RDH12: variants seen among roughly 807,000 people sequenced by gnomAD.
RDH12 encodes the protein all-trans and 9-cis retinol dehydrogenase.
RDH12 carries 21 observed loss-of-function variants against 34.0 expected under a neutral mutation model. The ratio of observed to expected loss-of-function variants is 0.62; its 90% confidence interval spans 0.44 to 0.89. The LOEUF is 0.89. RDH12 is among the 40% of genes least tolerant of loss of function. RDH12 has a pLI of 0.00. For synonymous variants in RDH12, 198 were observed against 169.9 expected (o/e 1.17, Z -1.29); for missense variants, 394 against 398.6 (o/e 0.99, Z 0.10).
intron 3 of RDH12, among the ~76,000 whole-genome samples, chr14:67,723,451 T>A (rs1401557146): frequency 6.6e-6 from 1 of 152,122 alleles, no homozygotes; most frequent in Non-Finnish European, 1.5e-5. Flanking sequence ...CCCAGGCTGG[T>A]CTCAAACTCC....
At position 67,734,347 on chromosome 14, in the gene RDH12, C is replaced by T. The variant is rs961031268; in HGVS notation, c.*499C>T. The T allele has an allele frequency of 4.3e-5, 7 of 161,806 alleles. No homozygotes were observed. In the East Asian group the frequency reaches 8.6e-4, roughly 20 times the overall value. The allele number at this position is 161,806 out of a possible 1,614,324, so 10.0% of individuals were successfully genotyped here. ...AACCCTGGCCTATTTAGATTCCTTC[C>T]TCTCACCTGGACCTTCCCATTTCAA... On this transcript the variant is annotated 3_prime_UTR_variant, in exon 9 of 9. Coordinates refer to ENST00000551171, the MANE Select transcript of RDH12 (RefSeq NM_152443.3).
In RDH12 at chr14:67,729,309, G is replaced by A. The variant is rs748496027; in HGVS notation, c.777G>A (p.Arg259=). Residue 259 remains arginine (R), a synonymous_variant, in exon 8 of 9, where the codon CGG becomes CGA. Transcript: ENST00000551171. The part of the protein sequence containing the change: ...RLFSPFVKTA[R]EGAQTSLHCA... ...TCTCCCCCTTTGTCAAGACGGCACG[G>A]GAGGGGGCGCAGACCAGCCTGCACT... The A allele has an allele frequency of 6.2e-7, 1 of 1,601,454 alleles. No homozygotes were observed. Among genetic ancestry groups the A allele is most frequent in the Non-Finnish European group, 8.5e-7 (1 of 1,179,912 alleles).
intron 1 of RDH12, chr14:67,705,963 A>C (rs1325536742): frequency 6.6e-6 from 1 of 152,270 alleles, no homozygotes; most frequent in Non-Finnish European, 1.5e-5. Context: ...TATCAGGTGC[A>C]GTGGCATGTG....
chr14:67,723,855 A>G (rs2038153412), intron 3 of RDH12, among the ~76,000 whole-genome samples: 1 of 152,244 alleles, frequency 6.6e-6, no homozygotes, highest in African/African-American at 2.4e-5. Flanking sequence ...CTCTGCACAG[A>G]GGTCTGAACA....
chr14:67,704,381 G>C (rs1380587710), intron 1 of RDH12, among the ~76,000 whole-genome samples: 1 of 152,154 alleles, frequency 6.6e-6, no homozygotes, highest in Non-Finnish European at 1.5e-5. Flanking sequence ...GCTTGTAGGT[G>C]TTATTGGAAG....
At chr14:67,716,717 C>T (rs1210570434) in intron 1 of RDH12, among the ~76,000 whole-genome samples, 1 of 152,028 alleles carries the variant, frequency 6.6e-6, no homozygotes, top group Non-Finnish European at 1.5e-5. Flanking sequence ...AACCCCATCT[C>T]TACTGAAAAT....
chr14:67,721,990 G>T (rs1362136862), intron 2 of RDH12, among the ~76,000 whole-genome samples: 1 of 152,058 alleles, frequency 6.6e-6, no homozygotes, highest in Non-Finnish European at 1.5e-5. Flanking sequence ...GCAGAAAAGT[G>T]CACAAGTCGA....
intron 1 of RDH12, chr14:67,706,233 A>G (rs2037949135): frequency 6.6e-6 from 1 of 152,386 alleles, no homozygotes; most frequent in Admixed American, 6.5e-5. Context: ...AGCCTGGGCA[A>G]CATAGCAATG....
chr14:67,716,843 C>A (rs976956183), intron 1 of RDH12, among the ~76,000 whole-genome samples: 5 of 150,434 alleles, frequency 3.3e-5, no homozygotes, highest in Admixed American at 1.3e-4. Context: ...GCTATCACAC[C>A]ACTGCACTCC....
At position 67,726,118 on chromosome 14, in the gene RDH12, T is replaced by G; in HGVS notation, c.411T>G (p.Ala137=). 1 of 1,614,018 alleles carries G rather than the reference T, an allele frequency of 6.2e-7. No homozygotes were observed. Among genetic ancestry groups the G allele is most frequent in the Non-Finnish European group, 8.5e-7 (1 of 1,179,858 alleles). The part of the protein sequence containing the change: ...GVMMCPYSKT[A]DGFETHLGVN... ...TGATGTGTCCATATTCCAAGACAGC[T>G]GATGGCTTTGAAACCCACCTGGGAG... The change falls in exon 6 of 9, where the codon GCT becomes GCG. Residue 137 remains alanine (A), a synonymous_variant. Transcript: ENST00000551171.
intron 1 of RDH12, chr14:67,714,855 C>A (rs2038050867): frequency 6.6e-6 from 1 of 152,300 alleles, no homozygotes; most frequent in Admixed American, 6.5e-5. Flanking sequence ...CTCAAGATTG[C>A]AGAGGCAAAC....
intron 8 of RDH12, chr14:67,729,947 C>G: frequency 2.6e-6 from 1 of 392,142 alleles, no homozygotes; most frequent in Non-Finnish European, 5.0e-6. Flanking sequence ...GAATCCAGCC[C>G]TGTCTGCTCT....
At chr14:67,706,197 G>C (rs140817332) in intron 1 of RDH12, 7 of 152,330 alleles carry the variant, frequency 4.6e-5, no homozygotes, top group Non-Finnish European at 1.0e-4. Context: ...TCGCAAGATA[G>C]TGCCTATGAA....
chr14:67,727,548 T>A (rs1432400977), intron 7 of RDH12: 3 of 306,706 alleles, frequency 9.8e-6, no homozygotes, highest in Non-Finnish European at 1.3e-5. Context: ...AGTAGTGCGA[T>A]CTTGGCTCAC....
chr14:67,727,295 T>A (rs746172136), intron 7 of RDH12, 105 bp downstream of exon 7: 100 of 828,510 alleles, frequency 1.2e-4, no homozygotes, highest in Non-Finnish European at 1.9e-4. Context: ...GTCAGTAATA[T>A]CTCTGTGGAC....
chr14:67,715,761 T>C (rs969583800), intron 1 of RDH12, among the ~76,000 whole-genome samples: 1 of 152,186 alleles, frequency 6.6e-6, no homozygotes, highest in South Asian at 2.1e-4. Flanking sequence ...TCTTAGAATC[T>C]CATAACCAGG....
intron 2 of RDH12, 93 bp from the exon 3 acceptor site, chr14:67,722,331 G>A (rs1566845356): frequency 2.1e-6 from 1 of 475,528 alleles, no homozygotes. Context: ...GAGGATGGGG[G>A]GTTTAGGGGG....
chr14:67,728,641 T>C (rs2038221770), intron 7 of RDH12, among the ~76,000 whole-genome samples: 2 of 151,640 alleles, frequency 1.3e-5, no homozygotes, highest in Non-Finnish European at 2.9e-5. Context: ...ATTTAAAGCA[T>C]GTTGTATGGC....
Position 67,722,539 on chromosome 14 carries a change from A to T in RDH12, c.-104A>T. On this transcript the variant is annotated 5_prime_UTR_variant, in exon 3 of 9. Coordinates refer to ENST00000551171, the MANE Select transcript of RDH12 (RefSeq NM_152443.3). ...CCAGGACGGAGAGGAGCAGAGAAGC[A>T]GCAGAAGCAGCCAAGAGCTGGAGCC... The T allele has an allele frequency of 6.5e-6, 6 of 919,554 alleles. No homozygotes were observed. Among genetic ancestry groups the T allele is most frequent in the Non-Finnish European group, 1.1e-5 (6 of 546,696 alleles). 57.0% of individuals were successfully genotyped at this position (919,554 alleles called of 1,614,324 possible). A position where few individuals can be genotyped will look rare whatever the true frequency, so the allele number is the denominator to read the frequency against.
Sources: allele counts gnomAD v4.1 joint callset (sites outside exome capture counted in the v4.1 genomes callset), GRCh38; gene constraint gnomAD v4.1.1; transcripts MANE v1.5; gene names NCBI Gene and HGNC (gene_info 2026-07-23, HGNC 2026-07-21).